KIZ: variants seen among roughly 807,000 people sequenced by gnomAD.
KIZ encodes the protein kizuna centrosomal protein.
KIZ carries 68 observed loss-of-function variants against 79.6 expected under a neutral mutation model. The ratio of observed to expected loss-of-function variants is 0.85; its 90% confidence interval spans 0.70 to 1.05. The LOEUF (loss-of-function observed/expected upper bound fraction) is 1.05, where lower values mean the gene tolerates loss of function less well. KIZ is among the 50% of genes least tolerant of loss of function. KIZ has a pLI of 0.00. For missense variants in KIZ, 797 were observed against 800.4 expected, an observed-to-expected ratio of 1.00 and a Z score of 0.05; for synonymous variants, 280 against 281.8, an observed-to-expected ratio of 0.99 and a Z score of 0.06.
chr20:21,129,828 C>G (rs368118019), intron 1 of KIZ, among the ~76,000 whole-genome samples: 12 of 152,182 alleles, frequency 7.9e-5, no homozygotes, highest in African/African-American at 2.9e-4. Flanking sequence ...TCCAGTGTTC[C>G]TGTCACCCAG....
chr20:21,182,406 T>C (rs978792069), intron 6 of KIZ, among the ~76,000 whole-genome samples: 2 of 152,172 alleles, frequency 1.3e-5, no homozygotes. Context: ...CCTTGCATCT[T>C]GTTGACTAAA....
At chr20:21,154,295 G>A (rs958248768) in intron 4 of KIZ, 10 of 152,144 alleles carry the variant, frequency 6.6e-5, no homozygotes, top group African/African-American at 1.2e-4. Flanking sequence ...GTTGAGGTCT[G>A]CCTTTAAATG....
intron 11 of KIZ, among the ~76,000 whole-genome samples, chr20:21,238,350 A>AAG (rs1555889294): frequency 1.3e-5 from 1 of 79,354 alleles, no homozygotes; most frequent in Non-Finnish European, 3.2e-5. Flanking sequence ...AGAGAGAGAG[A>AAG]GAGTGTGTGT....
rs8119918 is a variant in KIZ at position 21,222,902 on chromosome 20, G to C, written c.1679-6109G>C. ...AAGGTCACGTTCTGAGGTTCTGGGA[G>C]GACATGAGTTTGTCGGGTTGAGGGG... On this transcript the variant is annotated intron_variant, in intron 9 of 12. Coordinates refer to ENST00000619189, the MANE Select transcript of KIZ (RefSeq NM_018474.6). Among the ~76,000 whole-genome samples the C allele has an allele frequency of 2.8e-3, 430 of 152,282 alleles. 2 individuals are homozygous for C. Among genetic ancestry groups the C allele is most frequent in the African/African-American group, 9.6e-3 (398 of 41,544 alleles).
intron 1 of KIZ, among the ~76,000 whole-genome samples, chr20:21,131,587 C>T (rs2031846869): frequency 6.6e-6 from 1 of 152,184 alleles, no homozygotes; most frequent in South Asian, 2.1e-4. Context: ...GCCAGCGACT[C>T]AGAGAAGTCT....
chr20:21,208,824 G>A (rs2035948912), intron 7 of KIZ, among the ~76,000 whole-genome samples: 1 of 152,044 alleles, frequency 6.6e-6, no homozygotes, highest in Non-Finnish European at 1.5e-5. Flanking sequence ...GTGAACTGAA[G>A]GACAAAATGC....
At chr20:21,148,060 A>G (rs947987469) in intron 4 of KIZ, among the ~76,000 whole-genome samples, 3 of 151,376 alleles carry the variant, frequency 2.0e-5, no homozygotes, top group African/African-American at 7.3e-5. Flanking sequence ...CTGCGGGAAG[A>G]TGAGGCTGGC....
intron 7 of KIZ, among the ~76,000 whole-genome samples, chr20:21,206,020 C>T (rs993846733): frequency 1.3e-4 from 19 of 151,636 alleles, no homozygotes; most frequent in African/African-American, 2.9e-4. Flanking sequence ...AAAAAAATAA[C>T]GATAAGAAAA....
At position 21,136,143 on chromosome 20, in the gene KIZ, A is replaced by G. The variant is rs189853759; in HGVS notation, c.153-247A>G. On this transcript the variant is annotated intron_variant, in intron 2 of 12. Transcript: ENST00000619189. Reference sequence around the variant, plus strand: ...GAAATCTTTACTGTGTGAATGTTAGAATGTGGTCTTATATATATTTCTCAG... The same window carrying G: ...GAAATCTTTACTGTGTGAATGTTAGGATGTGGTCTTATATATATTTCTCAG... Among the ~76,000 whole-genome samples, 312 of 152,318 alleles carry G rather than the reference A, an allele frequency of 2.0e-3. 1 individual carries two copies. The highest frequency in any genetic ancestry group is 7.1e-3 in the African/African-American group (296 of 41,568).
intron 7 of KIZ, among the ~76,000 whole-genome samples, chr20:21,207,963 C>A (rs904077028): frequency 1.3e-5 from 2 of 152,128 alleles, no homozygotes; most frequent in Admixed American, 6.5e-5. Context: ...TCCGCGCCCC[C>A]ATCAGCCTCC....
At chr20:21,129,237 A>T (rs986393338) in intron 1 of KIZ, among the ~76,000 whole-genome samples, 26 of 152,186 alleles carry the variant, frequency 1.7e-4, no homozygotes, top group African/African-American at 6.3e-4. Context: ...TTTGCCTGGG[A>T]GAGAAAGCCA....
chr20:21,132,934 T>C (rs1227074193), intron 2 of KIZ: 1 of 152,248 alleles, frequency 6.6e-6, no homozygotes, highest in African/African-American at 2.4e-5. Flanking sequence ...CAGTGAATAA[T>C]ATATTGTACG....
At position 21,145,645 on chromosome 20, in the gene KIZ, CAG is replaced by C. The variant is rs1568917997; in HGVS notation, c.400_401del (p.Glu134LysfsTer9). 2 of 1,468,070 alleles carry C rather than the reference CAG, an allele frequency of 1.4e-6. No individual in the cohort carries two copies. The highest frequency in any genetic ancestry group is 1.4e-5 in the African/African-American group (1 of 70,726). The allele number at this position is 1,468,070 out of a possible 1,614,324, so 90.9% of individuals were successfully genotyped here. A position where few individuals can be genotyped will look rare whatever the true frequency, so the allele number is the denominator to read the frequency against. ...TAAAAGAGGAACTGACAGATGAAGA[CAG>C]AGAAAAGGTAATAAACTAAATTGGT... ...GLKEELTDEDREKVAVHEGIN... is the reference protein window; with the variant it reads ...GLKEELTDEDXEKVAVHEGIN... On this transcript the variant is annotated frameshift_variant, in exon 4 of 13. Coordinates refer to ENST00000619189, the MANE Select transcript of KIZ (RefSeq NM_018474.6). LOFTEE classifies it high-confidence loss of function.
intron 6 of KIZ, among the ~76,000 whole-genome samples, chr20:21,168,965 A>G (rs2034079886): frequency 6.6e-6 from 1 of 152,210 alleles, no homozygotes; most frequent in Non-Finnish European, 1.5e-5. Flanking sequence ...CATTAGACCT[A>G]AAACCATAAA....
At chr20:21,184,275 G>A (rs1326150696) in intron 6 of KIZ, among the ~76,000 whole-genome samples, 2 of 151,708 alleles carry the variant, frequency 1.3e-5, no homozygotes, top group Admixed American at 6.6e-5. Flanking sequence ...AGCCTCCCAA[G>A]TAGAGCTGGG....
At chr20:21,152,064 C>T (rs917317761) in intron 4 of KIZ, among the ~76,000 whole-genome samples, 1 of 152,092 alleles carries the variant, frequency 6.6e-6, no homozygotes, top group Non-Finnish European at 1.5e-5. Flanking sequence ...AAGCAGGTTG[C>T]GGAGAGTTGC....
intron 10 of KIZ, among the ~76,000 whole-genome samples, chr20:21,230,678 C>T (rs541564829): frequency 2.2e-4 from 34 of 152,116 alleles, no homozygotes; most frequent in Non-Finnish European, 4.4e-4. Flanking sequence ...AGTGAAAAGC[C>T]CCCTGGGAGA....
chr20:21,189,309 C>T (rs773840102), intron 6 of KIZ, among the ~76,000 whole-genome samples: 14 of 152,032 alleles, frequency 9.2e-5, no homozygotes, highest in African/African-American at 1.2e-4. Context: ...AACCCCTATT[C>T]GGTTAAAGGG....
At chr20:21,184,463 A>T (rs113625048) in intron 6 of KIZ, among the ~76,000 whole-genome samples, 7,424 of 152,146 alleles carry the variant, frequency 0.049, 592 homozygotes, top group African/African-American at 0.17. Flanking sequence ...TGACTTCATT[A>T]CTGCCTGTTG....
Sources: allele counts gnomAD v4.1 joint callset (sites outside exome capture counted in the v4.1 genomes callset), GRCh38; gene constraint gnomAD v4.1.1; transcripts MANE v1.5; gene names NCBI Gene and HGNC (gene_info 2026-07-23, HGNC 2026-07-21).